The following CDH13 variants were observed in gnomAD, a reference collection of about 807,000 sequenced individuals.
CDH13 encodes cadherin-13.
In CDH13, 24 loss-of-function variants were observed where a neutral mutation model predicts 63.8. That is an observed-to-expected ratio of 0.38 (90% CI 0.27 to 0.53). The LOEUF is 0.53. Ranked by LOEUF, CDH13 falls within the 20% of genes least tolerant of loss-of-function variation. The pLI, the probability that CDH13 is intolerant of heterozygous loss-of-function variation, is 0.85. For synonymous variants in CDH13, 503 were observed against 355.3 expected, an observed-to-expected ratio of 1.42 and a Z score of -4.67; for missense variants, 1,049 against 903.1, an observed-to-expected ratio of 1.16 and a Z score of -2.07.
chr16:83,164,054 G>A (rs8050581), intron 4 of CDH13, among the ~76,000 whole-genome samples: 33,087 of 151,804 alleles, frequency 0.22, 4,993 homozygotes, highest in African/African-American at 0.43. Context: ...TGTTATCTGT[G>A]TCTTACCCAG....
chr16:83,276,975 C>G (rs2089009730), intron 5 of CDH13, among the ~76,000 whole-genome samples: 2 of 152,130 alleles, frequency 1.3e-5, no homozygotes, highest in African/African-American at 2.4e-5. Context: ...TCTCATGAGA[C>G]TTACAATCAT....
At chr16:83,740,951 A>G (rs1450979678) in intron 10 of CDH13, among the ~76,000 whole-genome samples, 6 of 152,080 alleles carry the variant, frequency 3.9e-5, no homozygotes, top group Non-Finnish European at 7.4e-5. Flanking sequence ...GAGGAAAGAG[A>G]TAGAAAATGC....
chr16:83,492,360 C>A (rs192631707), intron 7 of CDH13, among the ~76,000 whole-genome samples: 90 of 152,252 alleles, frequency 5.9e-4, no homozygotes, highest in Non-Finnish European at 1.0e-3. Flanking sequence ...TAATTACACA[C>A]AATTCAATCA....
intron 5 of CDH13, among the ~76,000 whole-genome samples, chr16:83,299,337 T>C (rs1266577659): frequency 6.6e-6 from 1 of 151,340 alleles, no homozygotes; most frequent in Non-Finnish European, 1.5e-5. Flanking sequence ...TATAAGGAAA[T>C]CTAGGGAAAG....
intron 3 of CDH13, among the ~76,000 whole-genome samples, chr16:83,117,012 G>A (rs77311660): frequency 7.5e-4 from 115 of 152,324 alleles, no homozygotes; most frequent in African/African-American, 2.7e-3. Flanking sequence ...GACGATGAGC[G>A]CTGAGCTACA....
chr16:83,308,950 G>T (rs1397238430), intron 5 of CDH13, among the ~76,000 whole-genome samples: 1 of 152,204 alleles, frequency 6.6e-6, no homozygotes, highest in Admixed American at 6.5e-5. Flanking sequence ...CAGATGAAGG[G>T]AAAGAGGGCA....
chr16:83,175,361 C>T lies in CDH13; in HGVS notation c.484-41984C>T, dbSNP rs138226178. On this transcript the variant is annotated intron_variant, in intron 4 of 13. Transcript: ENST00000567109. ...TGATTAAAAGATGACAAGTTCTCAA[C>T]CCCCACGATAGCCCACTGGTGAAGA... Among the ~76,000 whole-genome samples the T allele has an allele frequency of 8.3e-3, 1,267 of 152,230 alleles. 22 individuals carry two copies. The highest frequency in any genetic ancestry group is 0.034 in the Middle Eastern group (10 of 294).
chr16:83,252,934 A>G (rs80220505), intron 5 of CDH13, among the ~76,000 whole-genome samples: 1 of 152,150 alleles, frequency 6.6e-6, no homozygotes, highest in Non-Finnish European at 1.5e-5. Context: ...GTTGACCTTA[A>G]TTAACTTTCT....
At chr16:83,534,820 TA>T (rs1334157378) in intron 7 of CDH13, among the ~76,000 whole-genome samples, 3 of 152,244 alleles carry the variant, frequency 2.0e-5, no homozygotes, top group Non-Finnish European at 4.4e-5. Context: ...AAATGTGAAT[TA>T]GCAGTGCGTA....
intron 7 of CDH13, among the ~76,000 whole-genome samples, chr16:83,537,943 A>C (rs1158320371): frequency 6.6e-6 from 1 of 152,224 alleles, no homozygotes; most frequent in African/African-American, 2.4e-5. Context: ...TGTTGTCTAA[A>C]TGGGGGAAGT....
intron 8 of CDH13, among the ~76,000 whole-genome samples, chr16:83,647,076 C>T (rs953398629): frequency 1.3e-5 from 2 of 151,792 alleles, no homozygotes; most frequent in South Asian, 2.1e-4. Context: ...TTTGGGAGGC[C>T]GAGGAGGGCG....
Position 82,732,859 on chromosome 16 carries a change from G to A in CDH13, c.45+105722G>A, listed in dbSNP as rs552520832. Among the ~76,000 whole-genome samples, 5 of 152,248 alleles carry A rather than the reference G, an allele frequency of 3.3e-5. No individual in the cohort carries two copies. The East Asian group carries it at 5.8e-4, about 18-fold the overall frequency. ...ACATCTGGGGATGAGTGAGGGTTCC[G>A]GATACCCATTACAGAGGAAGAGTCT... is the stretch of plus-strand genomic sequence containing the variant. On this transcript the variant is annotated intron_variant, in intron 1 of 13. Transcript: ENST00000567109.
intron 5 of CDH13, among the ~76,000 whole-genome samples, chr16:83,338,999 C>T (rs1037604295): frequency 6.6e-6 from 1 of 152,098 alleles, no homozygotes; most frequent in Non-Finnish European, 1.5e-5. Flanking sequence ...CCTGGAAGCC[C>T]TATAGAAAAC....
intron 5 of CDH13, among the ~76,000 whole-genome samples, chr16:83,262,345 ACT>A (rs1290393151): frequency 6.6e-6 from 1 of 151,968 alleles, no homozygotes; most frequent in Non-Finnish European, 1.5e-5. Flanking sequence ...GTGTAGGGAG[ACT>A]CTGAGAGCCA....
At chr16:83,523,677 C>T (rs537453090) in intron 7 of CDH13, among the ~76,000 whole-genome samples, 1 of 152,210 alleles carries the variant, frequency 6.6e-6, no homozygotes. Flanking sequence ...GGCTTGGGCT[C>T]TTCCTAGCGC....
intron 1 of CDH13, among the ~76,000 whole-genome samples, chr16:82,797,724 T>C (rs987337957): frequency 1.3e-5 from 2 of 151,890 alleles, no homozygotes; most frequent in Admixed American, 6.6e-5. Flanking sequence ...TGGGATAGAA[T>C]TCAGTGAACA....
At chr16:83,630,086 C>A (rs1224427760) in intron 8 of CDH13, among the ~76,000 whole-genome samples, 9 of 152,208 alleles carry the variant, frequency 5.9e-5, no homozygotes, top group African/African-American at 1.4e-4. Context: ...AAACATCTAG[C>A]CTAGCTTTGA....
intron 2 of CDH13, among the ~76,000 whole-genome samples, chr16:82,903,234 T>A (rs183260005): frequency 6.6e-6 from 1 of 152,230 alleles, no homozygotes; most frequent in Non-Finnish European, 1.5e-5. Context: ...AATGCCTCAA[T>A]GAAAAACATT....
intron 2 of CDH13, among the ~76,000 whole-genome samples, chr16:82,878,667 G>C (rs573089758): frequency 6.6e-6 from 1 of 151,048 alleles, no homozygotes; most frequent in Admixed American, 6.6e-5. Context: ...GGGCATGGTT[G>C]TTGGTCCAAT....
Sources: allele counts gnomAD v4.1 joint callset (sites outside exome capture counted in the v4.1 genomes callset), GRCh38; gene constraint gnomAD v4.1.1; transcripts MANE v1.5; gene names NCBI Gene and HGNC (gene_info 2026-07-23, HGNC 2026-07-21).